The following KLHL3 variants were observed in gnomAD, a reference collection of about 807,000 sequenced individuals.
KLHL3 encodes the protein kelch like family member 3.
Under a neutral mutation model 70.5 loss-of-function variants are expected in KLHL3, and 19 were observed. The ratio of observed to expected loss-of-function variants is 0.27; its 90% CI spans 0.19 to 0.40. KLHL3 has a LOEUF of 0.40. Among genes scored for constraint, KLHL3 ranks in the 10% least tolerant of loss-of-function variants. The pLI is 1.00. For missense variants in KLHL3, 512 were observed against 771.1 expected, an observed-to-expected ratio of 0.66 and a Z score of 3.98; for synonymous variants, 258 against 290.3, an observed-to-expected ratio of 0.89 and a Z score of 1.13.
chr5:137,649,200 C>T (rs999056988), intron 8 of KLHL3, among the ~76,000 whole-genome samples: 11 of 152,206 alleles, frequency 7.2e-5, no homozygotes, highest in Admixed American at 3.9e-4. Context: ...TACACTCAGA[C>T]GTGGAACTTA....
At chr5:137,729,661 A>G (rs2149939390) in intron 1 of KLHL3, among the ~76,000 whole-genome samples, 1 of 152,252 alleles carries the variant, frequency 6.6e-6, no homozygotes, top group African/African-American at 2.4e-5. Flanking sequence ...GGTCATTGGC[A>G]TGACTCTGCT....
intron 4 of KLHL3, 148 bp from the exon 5 acceptor site, chr5:137,692,595 G>A: frequency 1.4e-6 from 1 of 700,614 alleles, no homozygotes; most frequent in Non-Finnish European, 2.5e-6. Flanking sequence ...CTGCTTTCCA[G>A]CCTTATTTCC....
intron 4 of KLHL3, chr5:137,692,819 TACACACACAC>T (rs3045645): frequency 3.0e-5 from 5 of 168,176 alleles, no homozygotes; most frequent in African/African-American, 5.1e-5. Flanking sequence ...AACAAAACTC[TACACACACAC>T]ACACACACAC....
intron 1 of KLHL3, among the ~76,000 whole-genome samples, chr5:137,726,346 T>C (rs989692815): frequency 1.3e-5 from 2 of 152,180 alleles, no homozygotes; most frequent in African/African-American, 4.8e-5. Flanking sequence ...TGAACCTAAA[T>C]GCCAGCCTTA....
chr5:137,642,027 T>C (rs1045662960), intron 8 of KLHL3, among the ~76,000 whole-genome samples: 1 of 152,212 alleles, frequency 6.6e-6, no homozygotes, highest in Non-Finnish European at 1.5e-5. Flanking sequence ...CATGAACAGT[T>C]CAAGGGGGAT....
At chr5:137,649,256 A>G (rs977977976) in intron 8 of KLHL3, among the ~76,000 whole-genome samples, 1 of 152,222 alleles carries the variant, frequency 6.6e-6, no homozygotes, top group African/African-American at 2.4e-5. Flanking sequence ...ACTTGTATCT[A>G]GCAAATAAAA....
At chr5:137,722,999 A>G (rs1472404976) in intron 1 of KLHL3, among the ~76,000 whole-genome samples, 1 of 152,204 alleles carries the variant, frequency 6.6e-6, no homozygotes, top group Non-Finnish European at 1.5e-5. Flanking sequence ...AGGATATGAA[A>G]TAGGGATCTA....
At chr5:137,715,157 A>T (rs1227668511) in intron 2 of KLHL3, among the ~76,000 whole-genome samples, 4 of 152,214 alleles carry the variant, frequency 2.6e-5, no homozygotes, top group African/African-American at 7.2e-5. Context: ...CAAAGTGCAA[A>T]AGGAGGAAGA....
intron 1 of KLHL3, among the ~76,000 whole-genome samples, chr5:137,731,413 T>C (rs1753171546): frequency 6.6e-6 from 1 of 152,166 alleles, no homozygotes; most frequent in East Asian, 1.9e-4. Flanking sequence ...AAAGGCTAGG[T>C]TGCTCAACAC....
At position 137,698,310 on chromosome 5, in the gene KLHL3, C is replaced by T. The variant is rs976865705; in HGVS notation, c.340G>A (p.Glu114Lys). ...LIDYIYTAEI[E>K]VTEENVQVLL... Reference sequence around the variant, plus strand: ...ACCTGGACATTCTCTTCAGTCACCTCGATTTCAGCAGTATAGATGTAGTCA... The same window carrying T: ...ACCTGGACATTCTCTTCAGTCACCTTGATTTCAGCAGTATAGATGTAGTCA... Residue 114 changes from glutamate (E) to lysine (K), a missense_variant, in exon 4 of 15, where the codon GAG becomes AAG. Glu to Lys is a moderately conservative substitution (Grantham distance 56). Coordinates refer to ENST00000309755, the MANE Select transcript of KLHL3 (RefSeq NM_017415.3). The T allele has an allele frequency of 1.9e-6, 3 of 1,614,174 alleles. No individual in the cohort carries two copies. The highest frequency in any genetic ancestry group is 2.5e-6 in the Non-Finnish European group (3 of 1,180,016).
At chr5:137,652,078 T>C (rs1268987878) in intron 8 of KLHL3, among the ~76,000 whole-genome samples, 1 of 151,724 alleles carries the variant, frequency 6.6e-6, no homozygotes, top group South Asian at 2.1e-4. Flanking sequence ...AATGGATCCA[T>C]AGGCCTAAGT....
Position 137,618,034 on chromosome 5 carries a change from C to T in KLHL3, c.*4064G>A, listed in dbSNP as rs1580707743. 6.5e-6 allele frequency: 1 copy of T among 152,736 alleles called. No individual in the cohort carries two copies. Among genetic ancestry groups the T allele is most frequent in the Non-Finnish European group, 1.5e-5 (1 of 68,056 alleles). 9.5% of individuals were successfully genotyped at this position (152,736 alleles called of 1,614,324 possible). ...TCCCATGACGAAGGCTGCACAGGGG[C>T]TATGAGGCTGTAATTATCCACTACA... On this transcript the variant is annotated 3_prime_UTR_variant, in exon 15 of 15. Coordinates refer to ENST00000309755, the MANE Select transcript of KLHL3 (RefSeq NM_017415.3).
intron 3 of KLHL3, 21 bp downstream of exon 3, chr5:137,709,729 A>G (rs1340445606): frequency 3.8e-6 from 6 of 1,569,746 alleles, no homozygotes; most frequent in African/African-American, 1.4e-5. Flanking sequence ...ACCATGGGTT[A>G]ATGGTGGCCA....
Position 137,620,087 on chromosome 5 carries a change from A to G in KLHL3, c.*2011T>C, listed in dbSNP as rs1444023649. On this transcript the variant is annotated 3_prime_UTR_variant, in exon 15 of 15. Transcript: ENST00000309755. ...ATCAGCTTCCAACCCACAGCCAGGTAGAGTTATGAAGCCACAGTCATCCCC... is the reference window on the plus strand; with the variant it reads ...ATCAGCTTCCAACCCACAGCCAGGTGGAGTTATGAAGCCACAGTCATCCCC... 1 of 152,240 alleles carries G rather than the reference A, an allele frequency of 6.6e-6. No homozygotes were observed. The highest frequency in any genetic ancestry group is 6.5e-5 in the Admixed American group (1 of 15,282). The allele number at this position is 152,240 out of a possible 1,614,324, so 9.4% of individuals were successfully genotyped here. A position where few individuals can be genotyped will look rare whatever the true frequency, so the allele number is the denominator to read the frequency against.
At chr5:137,681,114 A>G (rs1205178070) in intron 5 of KLHL3, among the ~76,000 whole-genome samples, 1 of 152,182 alleles carries the variant, frequency 6.6e-6, no homozygotes, top group African/African-American at 2.4e-5. Context: ...CGAATTCAAC[A>G]AACTGTCCAG....
At chr5:137,722,536 T>C (rs1392411010) in intron 1 of KLHL3, among the ~76,000 whole-genome samples, 1 of 152,222 alleles carries the variant, frequency 6.6e-6, no homozygotes, top group African/African-American at 2.4e-5. Flanking sequence ...GAAAATTTTC[T>C]TCAAAAGATG....
Position 137,677,635 on chromosome 5 carries a change from C to T in KLHL3, c.546G>A (p.Val182=). The T allele has an allele frequency of 6.2e-7, 1 of 1,600,546 alleles. No individual in the cohort carries two copies. Among genetic ancestry groups the T allele is most frequent in the Non-Finnish European group, 8.5e-7 (1 of 1,172,136 alleles). Residue 182 remains valine (V), a synonymous_variant, in exon 6 of 15, where the codon GTG becomes GTA. Transcript: ENST00000309755. ...NAYAEQHFPE[V]MLGEEFLSLS... The stretch of plus-strand genomic sequence containing the variant: ...GGCTAAGAAATTCTTCTCCTAGCAT[C>T]ACCTCTGGAAAGTGCTGCTCTGTTC...
chr5:137,628,142 T>A, intron 13 of KLHL3, 155 bp downstream of exon 13: 1 of 885,056 alleles, frequency 1.1e-6, no homozygotes, highest in Non-Finnish European at 1.7e-6. Flanking sequence ...TCTCCCCTCC[T>A]CTAATCAAGA....
intron 11 of KLHL3, among the ~76,000 whole-genome samples, chr5:137,636,812 C>G (rs1202110151): frequency 6.6e-6 from 1 of 152,202 alleles, no homozygotes; most frequent in East Asian, 1.9e-4. Context: ...GAACTGGACT[C>G]AATCACCAGC....
Sources: allele counts gnomAD v4.1 joint callset (sites outside exome capture counted in the v4.1 genomes callset), GRCh38; gene constraint gnomAD v4.1.1; transcripts MANE v1.5; gene names NCBI Gene and HGNC (gene_info 2026-07-23, HGNC 2026-07-21).